The following ITGA2 variants were observed in gnomAD, a reference collection of about 807,000 sequenced individuals.
ITGA2 encodes the protein integrin subunit alpha 2.
Under a neutral mutation model 146.3 loss-of-function variants are expected in ITGA2, and 101 were observed. The ratio of observed to expected loss-of-function variants is 0.69; its 90% CI spans 0.59 to 0.81. The LOEUF is 0.81. Ranked by LOEUF, ITGA2 falls within the 40% of genes least tolerant of loss-of-function variation. The pLI is 0.00. For missense variants in ITGA2, 1,281 were observed against 1,402.7 expected (o/e 0.91, Z 1.39); for synonymous variants, 477 against 487.1 (o/e 0.98, Z 0.27).
intron 23 of ITGA2, 101 bp downstream of exon 23, chr5:53,075,405 CT>C: frequency 1.1e-6 from 1 of 885,886 alleles, no homozygotes; most frequent in Non-Finnish European, 1.9e-6. Context: ...TCATTCTTAA[CT>C]GAAGAATTTG....
intron 7 of ITGA2, 136 bp downstream of exon 7, chr5:53,051,695 A>G (rs1258393772): frequency 1.1e-6 from 1 of 896,540 alleles, no homozygotes; most frequent in African/African-American, 1.7e-5. Flanking sequence ...CTAATAAAGA[A>G]AAAAACATCA....
chr5:53,011,114 C>T (rs187045648), intron 1 of ITGA2, among the ~76,000 whole-genome samples: 5 of 152,138 alleles, frequency 3.3e-5, no homozygotes, highest in Admixed American at 6.5e-5. Context: ...ACCTTCAGAA[C>T]TGTGAGAGAA....
chr5:53,067,128 A>T lies in ITGA2; in HGVS notation c.1954A>T (p.Ile652Phe). The T allele has an allele frequency of 6.2e-7, 1 of 1,610,738 alleles. No individual in the cohort carries two copies. Among genetic ancestry groups the T allele is most frequent in the Non-Finnish European group, 8.5e-7 (1 of 1,178,436 alleles). Reference protein sequence around the residue: ...GQVVQLWSQSIADVAIEASFT... With the variant: ...GQVVQLWSQSFADVAIEASFT... ...CTTTATGTCTTTTAGGTCACAAAGTATTGCTGATGTAGCTATAGAAGCTTC... is the reference window on the plus strand; with the variant it reads ...CTTTATGTCTTTTAGGTCACAAAGTTTTGCTGATGTAGCTATAGAAGCTTC... Residue 652 changes from isoleucine (I) to phenylalanine (F), a missense_variant, in exon 16 of 30, where the codon ATT becomes TTT. Physicochemically the swap from Ile to Phe is conservative, Grantham distance 21. Coordinates refer to ENST00000296585, the MANE Select transcript of ITGA2 (RefSeq NM_002203.4).
At chr5:53,039,920 A>T (rs1258680030) in intron 2 of ITGA2, among the ~76,000 whole-genome samples, 8 of 151,964 alleles carry the variant, frequency 5.3e-5, no homozygotes, top group Admixed American at 5.2e-4. Context: ...CAGAATTCCT[A>T]GCCCTCATGT....
At chr5:53,087,170 G>C in intron 28 of ITGA2, 129 bp downstream of exon 28, 1 of 735,144 alleles carries the variant, frequency 1.4e-6, no homozygotes. Context: ...TTAAAGATCT[G>C]ATGTTTATTA....
At chr5:53,088,244 A>C (rs1291909905) in intron 28 of ITGA2, among the ~76,000 whole-genome samples, 1 of 152,216 alleles carries the variant, frequency 6.6e-6, no homozygotes, top group East Asian at 1.9e-4. Flanking sequence ...GTTTTTAGAA[A>C]GCAGTATTAA....
rs1369885045 is a variant in ITGA2, at chr5:53,004,990, T to C, written c.64+15458T>C. Reference sequence around the variant, plus strand: ...TACTGTCCTTTCAACATGAAGACAATGCTATTGGAAAATGAGATTTCCTGT... The same window carrying C: ...TACTGTCCTTTCAACATGAAGACAACGCTATTGGAAAATGAGATTTCCTGT... On this transcript the variant is annotated intron_variant, in intron 1 of 29. Transcript: ENST00000296585. Among the ~76,000 whole-genome samples the C allele has an allele frequency of 2.2e-5, 3 of 134,078 alleles. No individual in the cohort carries two copies. In the East Asian group the frequency reaches 7.4e-4, roughly 33 times the overall value. 88.0% of individuals were successfully genotyped at this position (134,078 alleles called of 152,430 possible). A position where few individuals can be genotyped will look rare whatever the true frequency, so the allele number is the denominator to read the frequency against.
chr5:53,049,666 A>G (rs1217750424), intron 6 of ITGA2, among the ~76,000 whole-genome samples: 3 of 151,992 alleles, frequency 2.0e-5, no homozygotes. Flanking sequence ...GCTCAATAGT[A>G]TTATTTTAAA....
At chr5:53,017,459 A>T (rs1235766802) in intron 1 of ITGA2, among the ~76,000 whole-genome samples, 2 of 152,154 alleles carry the variant, frequency 1.3e-5, no homozygotes, top group African/African-American at 4.8e-5. Context: ...GCTGCACTGG[A>T]GGGGCCAAAG....
At position 53,067,260 on chromosome 5, in the gene ITGA2, G is replaced by A. The variant is rs1425030808; in HGVS notation, c.2083+3G>A. ...TACTAAGCAAAACAATCAAGTGGGT[G>A]CGTAGATCTGAAATAATCTGTATAG... is the stretch of plus-strand genomic sequence containing the variant. On this transcript the variant is annotated splice_donor_region_variant and intron_variant, in intron 16 of 29. Coordinates refer to ENST00000296585, the MANE Select transcript of ITGA2 (RefSeq NM_002203.4). The A allele has an allele frequency of 3.1e-6, 5 of 1,611,282 alleles. No homozygotes were observed. Among genetic ancestry groups the A allele is most frequent in the Admixed American group, 1.7e-5 (1 of 59,788 alleles).
intron 2 of ITGA2, among the ~76,000 whole-genome samples, chr5:53,030,734 A>T (rs1743184897): frequency 1.3e-5 from 2 of 152,250 alleles, no homozygotes; most frequent in African/African-American, 2.4e-5. Context: ...GTCAGTGAGG[A>T]AGATTTATAT....
At chr5:53,034,990 CAT>C (rs1195470136) in intron 2 of ITGA2, among the ~76,000 whole-genome samples, 2 of 152,144 alleles carry the variant, frequency 1.3e-5, no homozygotes, top group Non-Finnish European at 1.5e-5. Flanking sequence ...TAAATGAAAA[CAT>C]AAATAGTTAT....
intron 2 of ITGA2, among the ~76,000 whole-genome samples, chr5:53,036,297 A>G (rs992649995): frequency 6.6e-6 from 1 of 152,110 alleles, no homozygotes; most frequent in Non-Finnish European, 1.5e-5. Context: ...CTTCTACAAT[A>G]TGTCAGATCA....
intron 1 of ITGA2, among the ~76,000 whole-genome samples, chr5:53,023,585 C>T (rs1349997539): frequency 6.6e-6 from 1 of 152,018 alleles, no homozygotes; most frequent in Non-Finnish European, 1.5e-5. Flanking sequence ...TCCTCAGGAC[C>T]TTAAAAAACG....
At chr5:53,049,572 G>T (rs534870741) in intron 6 of ITGA2, among the ~76,000 whole-genome samples, 1 of 152,158 alleles carries the variant, frequency 6.6e-6, no homozygotes, top group African/African-American at 2.4e-5. Flanking sequence ...TACAGAAAAG[G>T]TCTTTTCAAT....
intron 27 of ITGA2, 109 bp downstream of exon 27, chr5:53,083,562 T>C: frequency 1.3e-6 from 1 of 758,364 alleles, no homozygotes; most frequent in Non-Finnish European, 2.4e-6. Flanking sequence ...ATGTCTGCAA[T>C]GGCCAAATAA....
At chr5:53,089,894 C>T in intron 28 of ITGA2, 52 bp from the exon 29 acceptor site, 1 of 1,042,222 alleles carries the variant, frequency 9.6e-7, no homozygotes, top group Non-Finnish European at 1.5e-6. Context: ...TAGACCATCT[C>T]CCCCCTTTTT....
intron 27 of ITGA2, among the ~76,000 whole-genome samples, chr5:53,086,009 A>C (rs1040658280): frequency 5.9e-5 from 9 of 152,064 alleles, no homozygotes; most frequent in Non-Finnish European, 1.3e-4. Flanking sequence ...CCTGGGTTCA[A>C]GTGATTCTCC....
At chr5:53,018,999 G>C (rs1008121743) in intron 1 of ITGA2, among the ~76,000 whole-genome samples, 2 of 152,080 alleles carry the variant, frequency 1.3e-5, no homozygotes, top group African/African-American at 4.8e-5. Flanking sequence ...GGGAGGCGGA[G>C]GTTGCAGTGA....
Sources: allele counts gnomAD v4.1 joint callset (sites outside exome capture counted in the v4.1 genomes callset), GRCh38; gene constraint gnomAD v4.1.1; transcripts MANE v1.5; gene names NCBI Gene and HGNC (gene_info 2026-07-23, HGNC 2026-07-21).